Variants in STX5 observed in about 807,000 individuals in gnomAD.
The protein encoded by STX5 is syntaxin-5.
A neutral mutation model predicts 42.9 loss-of-function variants in STX5; 15 were observed. The observed-to-expected ratio is 0.35, with a 90% CI of 0.23 to 0.54. The LOEUF is 0.54. Ranked by LOEUF, STX5 falls within the 20% of genes least tolerant of loss-of-function variation. The pLI is 0.91. For missense variants in STX5, 430 were observed against 455.0 expected (o/e 0.95, Z 0.50); for synonymous variants, 184 against 173.2 (o/e 1.06, Z -0.49).
In STX5 at chr11:62,807,608, C is replaced by T; in HGVS notation, c.929G>A (p.Gly310Glu). ...TIQRIDENVL[G>E]AQLDVEAAHS... Reference sequence around the variant, plus strand: ...GGCGGCCTCAACGTCCAGCTGGGCTCCTAGCACGTTCTCGTCGATCCTGGG... The same window carrying T: ...GGCGGCCTCAACGTCCAGCTGGGCTTCTAGCACGTTCTCGTCGATCCTGGG... Residue 310 changes from glycine (G) to glutamate (E), a missense_variant, in exon 11 of 11, where the codon GGA (glycine) becomes GAA (glutamate). Coordinates refer to ENST00000294179, the MANE Select transcript of STX5 (RefSeq NM_003164.5). The T allele has an allele frequency of 6.2e-7, 1 of 1,614,066 alleles. No individual in the cohort carries two copies. The highest frequency in any genetic ancestry group is 8.5e-7 in the Non-Finnish European group (1 of 1,180,018).
chr11:62,811,738 C>G (rs1451710681), intron 10 of STX5, among the ~76,000 whole-genome samples: 1 of 151,608 alleles, frequency 6.6e-6, no homozygotes, highest in Admixed American at 6.6e-5. Flanking sequence ...TAATCTGCCT[C>G]GGCCTCCCAA....
At position 62,807,526 on chromosome 11, in the gene STX5, G is replaced by C; in HGVS notation, c.1011C>G (p.Val337=). The change falls in exon 11 of 11, where the codon GTC becomes GTG. Residue 337 remains valine (V), a synonymous_variant. Coordinates refer to ENST00000294179, the MANE Select transcript of STX5 (RefSeq NM_003164.5). ...AGACAATGAGGATGAGGAAGATTTT[G>C]ACCATGAGCCACCGGTTGGAGGTGA... ...QSVTSNRWLM[V]KIFLILIVFF... is the part of the protein sequence containing the mutation. 1 of 1,614,092 alleles carries C rather than the reference G, an allele frequency of 6.2e-7. No homozygotes were observed. Among genetic ancestry groups the C allele is most frequent in the Non-Finnish European group, 8.5e-7 (1 of 1,180,018 alleles).
Position 62,807,313 on chromosome 11 carries a change from A to C in STX5, c.*156T>G. The C allele has an allele frequency of 8.3e-7, 1 of 1,207,418 alleles. No homozygotes were observed. The highest frequency in any genetic ancestry group is 1.1e-6 in the Non-Finnish European group (1 of 890,908). 74.8% of individuals were successfully genotyped at this position (1,207,418 alleles called of 1,614,324 possible). A position where few individuals can be genotyped will look rare whatever the true frequency, so the allele number is the denominator to read the frequency against. On this transcript the variant is annotated 3_prime_UTR_variant, in exon 11 of 11. Transcript: ENST00000294179. ...GGGGAGGACAGGGTGGCCAGAGGCAAGGGGTGGGGGATCAGGGGCAGTGGT... is the reference window on the plus strand; with the variant it reads ...GGGGAGGACAGGGTGGCCAGAGGCACGGGGTGGGGGATCAGGGGCAGTGGT...
At chr11:62,827,851 G>A (rs1466474867) in intron 2 of STX5, among the ~76,000 whole-genome samples, 2 of 151,954 alleles carry the variant, frequency 1.3e-5, no homozygotes, top group African/African-American at 4.8e-5. Context: ...TGGATTTGGG[G>A]CGAGTTACTT....
intron 10 of STX5, among the ~76,000 whole-genome samples, chr11:62,819,956 A>G (rs1049190302): frequency 6.9e-6 from 1 of 143,888 alleles, no homozygotes; most frequent in East Asian, 2.1e-4. Flanking sequence ...ACCCGCCTCA[A>G]CCTCCCAAAG....
At chr11:62,815,248 C>T (rs892308043) in intron 10 of STX5, among the ~76,000 whole-genome samples, 9 of 152,080 alleles carry the variant, frequency 5.9e-5, no homozygotes, top group African/African-American at 1.2e-4. Flanking sequence ...GCTTGTGATC[C>T]GCCCGCCTTG....
chr11:62,815,378 T>G (rs2084662378), intron 10 of STX5, among the ~76,000 whole-genome samples: 1 of 152,110 alleles, frequency 6.6e-6, no homozygotes, highest in South Asian at 2.1e-4. Flanking sequence ...TAACACTCAC[T>G]GGATAATACA....
chr11:62,823,434 G>A (rs2084761532), intron 10 of STX5, among the ~76,000 whole-genome samples: 1 of 152,128 alleles, frequency 6.6e-6, no homozygotes, highest in Admixed American at 6.5e-5. Context: ...CTCCCAAAGT[G>A]CTGGAATTAC....
rs779030032 is a variant in STX5 at position 62,827,547 on chromosome 11, TTC to T, written c.296+12_296+13del. On this transcript the variant is annotated intron_variant, in intron 3 of 10. Coordinates refer to ENST00000294179, the MANE Select transcript of STX5 (RefSeq NM_003164.5). ...ACACTGTATCACCCCACCAGAAAGC[TTC>T]TCTCAACTCACTTGGCCATGAGGGT... is the stretch of plus-strand genomic sequence containing the variant. 26 of 1,614,040 alleles carry T rather than the reference TTC, an allele frequency of 1.6e-5. No homozygotes were observed. In the South Asian group the frequency reaches 2.6e-4, roughly 16 times the overall value.
chr11:62,825,731 G>A (rs1162635700), intron 5 of STX5, among the ~76,000 whole-genome samples, 192 bp from the exon 6 acceptor site: 1 of 152,136 alleles, frequency 6.6e-6, no homozygotes, highest in African/African-American at 2.4e-5. Context: ...CTCAGTCCCT[G>A]CAGAGAAGAG....
At chr11:62,814,636 T>C (rs1330040218) in intron 10 of STX5, among the ~76,000 whole-genome samples, 2 of 151,674 alleles carry the variant, frequency 1.3e-5, no homozygotes, top group Non-Finnish European at 2.9e-5. Context: ...TAATTTTTTT[T>C]TTTTTTTTGA....
chr11:62,825,604 G>C (rs1011730295), intron 5 of STX5, 65 bp from the exon 6 acceptor site: 1 of 1,398,224 alleles, frequency 7.2e-7, no homozygotes, highest in Admixed American at 1.7e-5. Context: ...CATCTCTCAC[G>C]ATGGCCATCT....
chr11:62,813,149 C>T (rs1315054213), intron 10 of STX5, among the ~76,000 whole-genome samples: 2 of 151,104 alleles, frequency 1.3e-5, no homozygotes, highest in Non-Finnish European at 2.9e-5. Flanking sequence ...TGGTGCATGC[C>T]TGTAATCCCA....
At position 62,807,114 on chromosome 11, in the gene STX5, T is replaced by C; in HGVS notation, c.*355A>G. On this transcript the variant is annotated 3_prime_UTR_variant, in exon 11 of 11. Coordinates refer to ENST00000294179, the MANE Select transcript of STX5 (RefSeq NM_003164.5). ...CACAGGAAGGTGGGTAAGGGCATCA[T>C]CTCCCTTTGCTGCCAACGCTTCCTT... 1 of 179,950 alleles carries C rather than the reference T, an allele frequency of 5.6e-6. No homozygotes were observed. Among genetic ancestry groups the C allele is most frequent in the Non-Finnish European group, 1.2e-5 (1 of 83,244 alleles). 11.1% of individuals were successfully genotyped at this position (179,950 alleles called of 1,614,324 possible).
At chr11:62,827,425 G>A in intron 3 of STX5, 27 bp from the exon 4 acceptor site, 1 of 1,614,116 alleles carries the variant, frequency 6.2e-7, no homozygotes, top group African/African-American at 1.3e-5. Context: ...GTCAGACTGT[G>A]GGAAAGGGCA....
At chr11:62,825,164 G>A (rs376747117) in intron 7 of STX5, 47 bp from the exon 8 acceptor site, 3 of 1,612,258 alleles carry the variant, frequency 1.9e-6, no homozygotes, top group Non-Finnish European at 2.5e-6. Context: ...CTAGAAAGCA[G>A]GCATGTTAAA....
At chr11:62,807,716 G>T in intron 10 of STX5, 88 bp from the exon 11 acceptor site, 2 of 1,558,164 alleles carry the variant, frequency 1.3e-6, no homozygotes, top group South Asian at 1.2e-5. Context: ...ATGGAAAGAT[G>T]GTCACAATAT....
In STX5 at chr11:62,807,399, G is replaced by A. The variant is rs1263288164; in HGVS notation, c.*70C>T. On this transcript the variant is annotated 3_prime_UTR_variant, in exon 11 of 11. Coordinates refer to ENST00000294179, the MANE Select transcript of STX5 (RefSeq NM_003164.5). The stretch of plus-strand genomic sequence containing the variant: ...CCCAAGTACCCTGCACAGGCTCAGT[G>A]GCAGCACTGGCCACTTGCCTTCCCA... The A allele has an allele frequency of 6.4e-7, 1 of 1,572,708 alleles. No homozygotes were observed.
At chr11:62,818,042 G>A (rs779501053) in intron 10 of STX5, among the ~76,000 whole-genome samples, 3 of 151,916 alleles carry the variant, frequency 2.0e-5, no homozygotes, top group Non-Finnish European at 2.9e-5. Flanking sequence ...TCAGTAGTTC[G>A]AGACCAGACT....
Sources: gnomAD v4.1 joint callset for allele counts (sites outside exome capture counted in the v4.1 genomes callset) on GRCh38, gnomAD v4.1.1 for gene constraint, MANE v1.5 for transcripts, NCBI Gene and HGNC (gene_info 2026-07-23, HGNC 2026-07-21) for gene names.